Variants in C2orf80 observed in about 807,000 individuals in gnomAD.
C2orf80 encodes uncharacterized protein C2orf80.
A neutral mutation model predicts 30.2 loss-of-function variants in C2orf80; 28 were observed. That is an observed-to-expected ratio of 0.93 (90% CI 0.69 to 1.27). The LOEUF (loss-of-function observed/expected upper bound fraction) is 1.27. Ranked by LOEUF, C2orf80 falls within the 50% of genes most tolerant of loss-of-function variation. The probability of loss-of-function intolerance (pLI) is 0.00; values close to 1 mark genes in which losing one functional copy is unlikely to be tolerated. For synonymous variants in C2orf80, 80 were observed against 76.4 expected, an observed-to-expected ratio of 1.05 and a Z score of -0.24; for missense variants, 220 against 231.0, an observed-to-expected ratio of 0.95 and a Z score of 0.31.
Position 208,172,088 on chromosome 2 carries a change from C to A in C2orf80, c.367-13G>T, listed in dbSNP as rs2105894619. On this transcript the variant is annotated splice_polypyrimidine_tract_variant and intron_variant, in intron 6 of 8. Coordinates refer to ENST00000341287, the MANE Select transcript of C2orf80 (RefSeq NM_001099334.3). ...AAACTCGGGGAACCTGAAAGGAAAA[C>A]AGTCCTACTTTTAAAATCTGTCCAT... The A allele has an allele frequency of 6.3e-7, 1 of 1,592,812 alleles. No homozygotes were observed. The highest frequency in any genetic ancestry group is 1.1e-5 in the South Asian group (1 of 90,604).
At chr2:208,169,237 G>T (rs79575663) in intron 8 of C2orf80, among the ~76,000 whole-genome samples, 1 of 2,544 alleles carries the variant, frequency 3.9e-4, no homozygotes, top group Admixed American at 6.2e-3. Context: ...AGATCTTTTT[G>T]TGTGTGTGTG....
chr2:208,175,487 C>T (rs568465310), intron 6 of C2orf80, among the ~76,000 whole-genome samples: 5 of 152,166 alleles, frequency 3.3e-5, no homozygotes, highest in Non-Finnish European at 7.4e-5. Flanking sequence ...AGCAATCCCG[C>T]GCCTATGACT....
At chr2:208,170,841 C>T (rs1005490783) in intron 8 of C2orf80, 104 bp downstream of exon 8, 4 of 874,828 alleles carry the variant, frequency 4.6e-6, no homozygotes, top group Non-Finnish European at 7.5e-6. Context: ...AGATTCAAAC[C>T]CAGAGCACCT....
At chr2:208,171,443 C>A (rs1172223109) in intron 7 of C2orf80, among the ~76,000 whole-genome samples, 1 of 151,816 alleles carries the variant, frequency 6.6e-6, no homozygotes, top group African/African-American at 2.4e-5. Flanking sequence ...GCCTCAGCCT[C>A]CTGAGTAGCT....
chr2:208,183,228 C>T (rs1172348932), intron 3 of C2orf80, among the ~76,000 whole-genome samples, 181 bp from the exon 4 acceptor site: 3 of 149,852 alleles, frequency 2.0e-5, no homozygotes, highest in Non-Finnish European at 3.0e-5. Flanking sequence ...TCTGAGACCT[C>T]GCCTCACAGG....
intron 4 of C2orf80, among the ~76,000 whole-genome samples, chr2:208,182,384 A>G (rs1024440336): frequency 7.2e-5 from 11 of 152,194 alleles, no homozygotes; most frequent in African/African-American, 2.4e-4. Context: ...TGTACATAGT[A>G]AAGCAGTCAT....
intron 3 of C2orf80, among the ~76,000 whole-genome samples, chr2:208,184,676 G>A (rs575959177): frequency 2.0e-5 from 3 of 152,254 alleles, no homozygotes; most frequent in South Asian, 4.1e-4. Flanking sequence ...CTCCACAGAC[G>A]TAACATTTTG....
chr2:208,172,046 G>T lies in C2orf80; in HGVS notation c.396C>A (p.Ser132=), dbSNP rs767975817. ...KVPRVSSLCL[S]LHPFAMLTAP... ...CTGTTAACATGGCAAAGGGGTGCAA[G>T]GAGAGGCAGAGAGATGAAACTCGGG... Residue 132 remains serine (S), a synonymous_variant, in exon 7 of 9, where the codon TCC becomes TCA. Coordinates refer to ENST00000341287, the MANE Select transcript of C2orf80 (RefSeq NM_001099334.3). 3.7e-6 allele frequency: 6 copies of T among 1,613,796 alleles called. No homozygotes were observed. The highest frequency in any genetic ancestry group is 5.1e-6 in the Non-Finnish European group (6 of 1,179,862).
chr2:208,172,116 T>C (rs761530018), intron 6 of C2orf80, 41 bp from the exon 7 acceptor site: 23 of 1,485,438 alleles, frequency 1.5e-5, no homozygotes, highest in Non-Finnish European at 1.8e-5. Flanking sequence ...CTGTCCATCA[T>C]CTGCGGCATG....
At chr2:208,176,950 T>TCTGTATACAG (rs1553597412) in intron 6 of C2orf80, among the ~76,000 whole-genome samples, 3 of 32,858 alleles carry the variant, frequency 9.1e-5, no homozygotes, top group Non-Finnish European at 1.2e-4. Flanking sequence ...TCTGTATACA[T>TCTGTATACAG]ATCTGTATAC....
intron 6 of C2orf80, among the ~76,000 whole-genome samples, chr2:208,179,369 AC>A (rs1369992336): frequency 1.3e-5 from 2 of 152,236 alleles, no homozygotes; most frequent in East Asian, 3.9e-4. Flanking sequence ...TTGCACAATG[AC>A]CTGCAGTAAA....
chr2:208,176,412 G>A (rs979445012), intron 6 of C2orf80, among the ~76,000 whole-genome samples: 17 of 152,198 alleles, frequency 1.1e-4, no homozygotes, highest in Admixed American at 7.9e-4. Flanking sequence ...CTGACCTCAA[G>A]TGATCCGCCC....
chr2:208,183,820 G>A (rs1696636078), intron 3 of C2orf80, among the ~76,000 whole-genome samples: 1 of 152,192 alleles, frequency 6.6e-6, no homozygotes, highest in Admixed American at 6.5e-5. Flanking sequence ...AACCAATGCG[G>A]AGGCTTATTT....
rs201388290 is a variant in C2orf80, at chr2:208,176,929, ATGTATACATATCTGTATACATATC to A, written c.366+3792_366+3815del. On this transcript the variant is annotated intron_variant, in intron 6 of 8. Coordinates refer to ENST00000341287, the MANE Select transcript of C2orf80 (RefSeq NM_001099334.3). The stretch of plus-strand genomic sequence containing the variant: ...TCTGTGTATACATATCTGTATACAT[ATGTATACATATCTGTATACATATC>A]TGTATACATATGTATACATATATAC... 3.0e-5 allele frequency among the ~76,000 whole-genome samples: 2 copies of A among 66,412 alleles called. 1 individual carries two copies. Among genetic ancestry groups the A allele is most frequent in the African/African-American group, 1.1e-4 (2 of 17,664 alleles). The allele number at this position is 66,412 out of a possible 152,430, so 43.6% of individuals were successfully genotyped here.
At chr2:208,189,659 TCTC>T (rs1009803518) in intron 1 of C2orf80, among the ~76,000 whole-genome samples, 35 of 152,300 alleles carry the variant, frequency 2.3e-4, no homozygotes, top group African/African-American at 8.2e-4. Flanking sequence ...TTATCCCTCT[TCTC>T]TGTCTATAGA....
At chr2:208,176,953 C>CATATCTGTATACATA (rs1559340548) in intron 6 of C2orf80, among the ~76,000 whole-genome samples, 1 of 5,132 alleles carries the variant, frequency 1.9e-4, no homozygotes, top group Admixed American at 3.5e-3. Context: ...GTATACATAT[C>CATATCTGTATACATA]TGTATACATA....
chr2:208,188,747 C>A (rs191894201), intron 1 of C2orf80, among the ~76,000 whole-genome samples: 3 of 152,200 alleles, frequency 2.0e-5, no homozygotes, highest in Non-Finnish European at 4.4e-5. Flanking sequence ...CCGTGCCCAG[C>A]CATTTTGGAT....
At chr2:208,178,093 C>T (rs2105904836) in intron 6 of C2orf80, among the ~76,000 whole-genome samples, 1 of 152,236 alleles carries the variant, frequency 6.6e-6, no homozygotes, top group East Asian at 1.9e-4. Context: ...GCTGGTATTA[C>T]AGGCATGAGC....
chr2:208,165,635 C>A lies in C2orf80; in HGVS notation c.*172G>T, dbSNP rs1229769837. 5.7e-6 allele frequency: 4 copies of A among 700,880 alleles called. No individual in the cohort carries two copies. The highest frequency in any genetic ancestry group is 7.0e-5 in the Admixed American group (2 of 28,754). 43.4% of individuals were successfully genotyped at this position (700,880 alleles called of 1,614,324 possible). ...TTTTTTTTAAGAAAATGTAGCCATG[C>A]AATATGCTTCTAAAAGAAGAAAGCT... On this transcript the variant is annotated 3_prime_UTR_variant, in exon 9 of 9. Transcript: ENST00000341287.
Sources: allele counts gnomAD v4.1 joint callset (sites outside exome capture counted in the v4.1 genomes callset), GRCh38; gene constraint gnomAD v4.1.1; transcripts MANE v1.5; gene names NCBI Gene and HGNC (gene_info 2026-07-23, HGNC 2026-07-21).